The following PNPLA6 variants were observed in gnomAD, a reference collection of about 807,000 sequenced individuals.
The protein encoded by PNPLA6 is patatin like domain 6, lysophospholipase.
PNPLA6 carries 105 observed loss-of-function variants against 153.7 expected under a neutral mutation model. That is an observed-to-expected ratio of 0.68 (90% CI 0.58 to 0.80). The LOEUF is 0.80. Ranked by LOEUF, PNPLA6 falls within the 30% of genes least tolerant of loss-of-function variation. PNPLA6 has a pLI of 0.00. For synonymous variants in PNPLA6, 825 were observed against 822.2 expected (o/e 1.00, Z -0.06); for missense variants, 1,423 against 1,919.3 (o/e 0.74, Z 4.83).
At chr19:7,536,321 C>T (rs2146038514) in intron 2 of PNPLA6, 48 bp downstream of exon 2, 4 of 1,494,104 alleles carry the variant, frequency 2.7e-6, no homozygotes, top group Admixed American at 1.7e-5. Flanking sequence ...AGAGGCCGCG[C>T]CCCTTCCCTA....
At position 7,557,168 on chromosome 19, in the gene PNPLA6, G is replaced by A. The variant is rs1158367166; in HGVS notation, c.3281G>A (p.Gly1094Asp). Residue 1094 changes from glycine to aspartate, a missense_variant and splice_region_variant, in exon 27 of 32, where the codon GGC becomes GAC. Gly to Asp is a moderately conservative substitution (Grantham distance 94). Around this residue, in one of 10 missense-constraint regions of PNPLA6, gnomAD observed 643 missense variants for 835.2 expected, o/e 0.77. Coordinates refer to ENST00000600737, the MANE Select transcript of PNPLA6 (RefSeq NM_001166114.2). ...TGTGTCTGTGTGTCCCACCGCGCAG[G>A]CTCCCTGTGGCGGTACGTGCGCGCC... ...TASAMRVHKD[G>D]SLWRYVRASM... The A allele has an allele frequency of 6.2e-7, 1 of 1,609,496 alleles. No homozygotes were observed. Among genetic ancestry groups the A allele is most frequent in the Non-Finnish European group, 8.5e-7 (1 of 1,177,260 alleles).
chr19:7,559,397 A>G (rs1022553643), intron 28 of PNPLA6, among the ~76,000 whole-genome samples: 1 of 152,188 alleles, frequency 6.6e-6, no homozygotes, highest in African/African-American at 2.4e-5. Flanking sequence ...AGCACTGTAT[A>G]GTGATTTCTA....
chr19:7,549,840 C>G (rs927692773), intron 13 of PNPLA6, 67 bp from the exon 14 acceptor site: 2 of 1,440,488 alleles, frequency 1.4e-6, no homozygotes, highest in Admixed American at 3.4e-5. Flanking sequence ...CCTGTGGGGG[C>G]ATGTTGACCT....
At chr19:7,538,940 CA>C (rs1323867472) in intron 3 of PNPLA6, among the ~76,000 whole-genome samples, 3 of 152,314 alleles carry the variant, frequency 2.0e-5, no homozygotes, top group Middle Eastern at 3.4e-3. Flanking sequence ...GAAGCTATGT[CA>C]GGGGTCTGCC....
At chr19:7,557,134 G>C (rs1339478465) in intron 26 of PNPLA6, 34 bp from the exon 27 acceptor site, 2 of 1,478,332 alleles carry the variant, frequency 1.4e-6, no homozygotes, top group Admixed American at 1.7e-5. Flanking sequence ...GAGCGTGTCT[G>C]TGCGTGTTTG....
intron 13 of PNPLA6, among the ~76,000 whole-genome samples, chr19:7,548,393 GAAAAAAAATCGCAAAAAAAA>G (rs1232375508): frequency 2.3e-5 from 2 of 86,506 alleles, no homozygotes; most frequent in Non-Finnish European, 4.8e-5. Flanking sequence ...TGAGCTAAAA[GAAAAAAAATCGCAAAAAAAA>G]AAAAAAAATC....
At chr19:7,554,763 C>CCG in intron 21 of PNPLA6, 40 bp downstream of exon 21, 5 of 1,603,416 alleles carry the variant, frequency 3.1e-6, no homozygotes, top group Non-Finnish European at 4.2e-6. Flanking sequence ...CACCTCGGGT[C>CCG]CCGTCCTTTG....
rs775074101 is a variant in PNPLA6, at chr19:7,540,976, G to C, written c.849G>C (p.Thr283=). 1 of 1,610,822 alleles carries C rather than the reference G, an allele frequency of 6.2e-7. No individual in the cohort carries two copies. Among genetic ancestry groups the C allele is most frequent in the East Asian group, 2.2e-5 (1 of 44,762 alleles). Residue 283 remains threonine (T), a synonymous_variant, in exon 7 of 32, where the codon ACG becomes ACC. Transcript: ENST00000600737. The surrounding 1 kb of genome is among the most constrained non-coding windows in gnomAD (Gnocchi z 6.8). ...CTGCCCGGGCGGCCCGGGACTCCAC[G>C]GTGCTGCGCCTGCCGGTGGAAGCAT... is the stretch of plus-strand genomic sequence containing the variant. The part of the protein sequence containing the change: ...TVSARAARDS[T]VLRLPVEAFS...
chr19:7,538,772 G>C (rs997685798), intron 3 of PNPLA6, among the ~76,000 whole-genome samples: 1 of 152,216 alleles, frequency 6.6e-6, no homozygotes, highest in Non-Finnish European at 1.5e-5. Context: ...AGAACAGAGA[G>C]ACTGTATCTG....
chr19:7,548,373 A>G (rs1046794243), intron 13 of PNPLA6, among the ~76,000 whole-genome samples: 45 of 148,038 alleles, frequency 3.0e-4, no homozygotes, highest in African/African-American at 1.0e-3. Flanking sequence ...ACCCCACTAA[A>G]GATAGCTGAT....
chr19:7,554,474 C>A, intron 20 of PNPLA6, 81 bp from the exon 21 acceptor site: 1 of 1,526,028 alleles, frequency 6.6e-7, no homozygotes, highest in South Asian at 1.1e-5. Flanking sequence ...AAGTTCCTCC[C>A]AGCAACGGAG....
rs141831508 is a variant in PNPLA6, at chr19:7,559,168, G to A, written c.3699+17G>A. On this transcript the variant is annotated intron_variant, in intron 28 of 31. Transcript: ENST00000600737. Reference sequence around the variant, plus strand: ...CAGATCTATGTGAGTGGGCAGGAGTGGCATGGTGCCTGCATAGGTGGTCCG... The same window carrying A: ...CAGATCTATGTGAGTGGGCAGGAGTAGCATGGTGCCTGCATAGGTGGTCCG... 1,081 of 1,610,756 alleles carry A rather than the reference G, an allele frequency of 6.7e-4. 8 individuals are homozygous for A. Among genetic ancestry groups the A allele is most frequent in the South Asian group, 4.9e-3 (446 of 91,016 alleles).
chr19:7,549,827 T>G (rs530208316), intron 13 of PNPLA6, 80 bp from the exon 14 acceptor site: 1 of 1,377,900 alleles, frequency 7.3e-7, no homozygotes, highest in Non-Finnish European at 1.0e-6. Context: ...TCTTTAATTT[T>G]TTCCTGTGGG....
intron 21 of PNPLA6, 45 bp from the exon 22 acceptor site, chr19:7,554,848 G>A: frequency 6.4e-7 from 1 of 1,570,264 alleles, no homozygotes; most frequent in Non-Finnish European, 8.6e-7. Context: ...GTGTGGCCAG[G>A]TGGTGGTGGG....
Position 7,557,267 on chromosome 19 carries a change from A to G in PNPLA6, c.3380A>G (p.Tyr1127Cys). ...KDGHLLMDGG[Y>C]INNLPADIAR... ...GGGCACCTACTCATGGATGGCGGCT[A>G]CATCAACAATCTGCCAGGCAAGTGG... Residue 1127 changes from tyrosine to cysteine, a missense_variant, in exon 27 of 32, where the codon TAC becomes TGC. By Grantham distance (194) the Tyr-to-Cys change is radical (BLOSUM62 -2). Coordinates refer to ENST00000600737, the MANE Select transcript of PNPLA6 (RefSeq NM_001166114.2). The G allele has an allele frequency of 6.2e-7, 1 of 1,611,108 alleles. No individual in the cohort carries two copies. Among genetic ancestry groups the G allele is most frequent in the Non-Finnish European group, 8.5e-7 (1 of 1,178,024 alleles).
chr19:7,554,541 C>A lies in PNPLA6; in HGVS notation c.2466-14C>A. On this transcript the variant is annotated splice_polypyrimidine_tract_variant and intron_variant, in intron 20 of 31. Transcript: ENST00000600737. ...GGCCAACCCCAGGATGACGCTGCCC[C>A]CTTCCCACCCTAGCATCCAAGAGTT... The A allele has an allele frequency of 2.5e-6, 4 of 1,614,050 alleles. No homozygotes were observed. The highest frequency in any genetic ancestry group is 3.4e-6 in the Non-Finnish European group (4 of 1,179,966).
chr19:7,554,643 C>T lies in PNPLA6; in HGVS notation c.2554C>T (p.Pro852Ser). The T allele has an allele frequency of 1.2e-6, 2 of 1,614,078 alleles. No homozygotes were observed. Among genetic ancestry groups the T allele is most frequent in the Non-Finnish European group, 1.7e-6 (2 of 1,180,018 alleles). The change falls in exon 21 of 32, where the codon CCC becomes TCC. Residue 852 changes from proline to serine, a missense_variant. Coordinates refer to ENST00000600737, the MANE Select transcript of PNPLA6 (RefSeq NM_001166114.2). ...VLYQTDASLT[P>S]WTVRCLRQAD... is the part of the protein sequence containing the mutation. The stretch of plus-strand genomic sequence containing the variant: ...CTACCAGACGGACGCCTCGCTGACG[C>T]CCTGGACCGTGCGCTGCCTGCGACA...
chr19:7,555,207 C>A lies in PNPLA6; in HGVS notation c.2818-42C>A, dbSNP rs1334039170. On this transcript the variant is annotated intron_variant, in intron 22 of 31. Transcript: ENST00000600737. This position sits in a 1 kb window ranked among gnomAD's most constrained non-coding sequence, Gnocchi z 6.3. ...TACCCCTGGGGGATCCGCCGGACCCCGCCCTCATGCTCCTGGGTCGCGACT... is the reference window on the plus strand; with the variant it reads ...TACCCCTGGGGGATCCGCCGGACCCAGCCCTCATGCTCCTGGGTCGCGACT... The A allele has an allele frequency of 6.5e-7, 1 of 1,547,178 alleles. No homozygotes were observed. Among genetic ancestry groups the A allele is most frequent in the East Asian group, 2.3e-5 (1 of 43,220 alleles).
In PNPLA6 at chr19:7,544,885, G is replaced by C. The variant is rs116147786; in HGVS notation, c.1608+1801G>C. 3.8e-3 allele frequency among the ~76,000 whole-genome samples: 584 copies of C among 152,242 alleles called. 7 individuals carry two copies. Among genetic ancestry groups the C allele is most frequent in the African/African-American group, 0.014 (564 of 41,540 alleles). ...CCTGTGGCTTCTTTGGGGGCCCCTG[G>C]GCCCTGCTTATCTGGGAGACTGCTG... is the stretch of plus-strand genomic sequence containing the variant. On this transcript the variant is annotated intron_variant, in intron 13 of 31. Transcript: ENST00000600737.
Sources: gnomAD v4.1 joint callset for allele counts (sites outside exome capture counted in the v4.1 genomes callset) on GRCh38, gnomAD v4.1.1 for gene constraint, gnomAD v4.1.1 regional missense constraint, Gnocchi (gnomAD v3.1) non-coding constraint, MANE v1.5 for transcripts, NCBI Gene and HGNC (gene_info 2026-07-23, HGNC 2026-07-21) for gene names.